The following ZNF274 variants were observed in gnomAD, a reference collection of about 807,000 sequenced individuals.
ZNF274 encodes the protein zinc finger protein 274, also known as neurotrophin receptor-interacting factor homolog.
Under a neutral mutation model 42.5 loss-of-function variants are expected in ZNF274, and 23 were observed. The observed-to-expected ratio is 0.54, with a 90% CI of 0.39 to 0.77. ZNF274 has a LOEUF of 0.77. Ranked by LOEUF, ZNF274 falls within the 30% of genes least tolerant of loss-of-function variation. The pLI, the probability that ZNF274 is intolerant of heterozygous loss-of-function variation, is 0.00. For synonymous variants in ZNF274, 292 were observed against 305.4 expected (o/e 0.96, Z 0.46); for missense variants, 679 against 806.5 (o/e 0.84, Z 1.91).
chr19:58,187,000 T>A lies in ZNF274; in HGVS notation c.214T>A (p.Phe72Ile). 6.2e-7 allele frequency: 1 copy of A among 1,613,560 alleles called. No homozygotes were observed. The highest frequency in any genetic ancestry group is 8.5e-7 in the Non-Finnish European group (1 of 1,179,760). Residue 72 changes from phenylalanine to isoleucine, a missense_variant, in exon 4 of 8, where the codon TTC (phenylalanine) becomes ATC (isoleucine). Phe to Ile is a conservative substitution (Grantham distance 21). Transcript: ENST00000617501. Reference protein sequence around the residue: ...VVSQLEEAEDFWPVERGIPQD... With the variant: ...VVSQLEEAEDIWPVERGIPQD... Reference sequence around the variant, plus strand: ...ATCTCAGTTAGAGGAGGCAGAAGATTTCTGGCCAGTGGAGAGAGGAATTCC... The same window carrying A: ...ATCTCAGTTAGAGGAGGCAGAAGATATCTGGCCAGTGGAGAGAGGAATTCC...
At chr19:58,194,725 C>T (rs1359525379) in intron 4 of ZNF274, among the ~76,000 whole-genome samples, 2 of 148,378 alleles carry the variant, frequency 1.3e-5, no homozygotes, top group East Asian at 2.1e-4. Flanking sequence ...TCTTTTTCTT[C>T]GGCCGGGCGC....
intron 4 of ZNF274, among the ~76,000 whole-genome samples, chr19:58,203,694 CAG>C (rs1281976313): frequency 6.6e-6 from 1 of 151,464 alleles, no homozygotes; most frequent in Non-Finnish European, 1.5e-5. Flanking sequence ...TCCTAAGAAA[CAG>C]AAAGGGAATT....
rs199545253 is a variant in ZNF274, at chr19:58,188,698, A to ATGTATATGTATATGTG, written c.256+1657_256+1658insGTATATGTATATGTGT. ...TGTGTATATATATATGTATATGTAT[A>ATGTATATGTATATGTG]TATATATATATATATATATATATAT... On this transcript the variant is annotated intron_variant, in intron 4 of 7. Transcript: ENST00000617501. 7.2e-4 allele frequency among the ~76,000 whole-genome samples: 64 copies of ATGTATATGTATATGTG among 88,416 alleles called. 1 individual carries two copies. The highest frequency in any genetic ancestry group is 2.8e-3 in the African/African-American group (64 of 22,560). 58.0% of individuals were successfully genotyped at this position (88,416 alleles called of 152,430 possible).
intron 4 of ZNF274, among the ~76,000 whole-genome samples, chr19:58,205,733 G>A (rs1476669520): frequency 2.6e-5 from 4 of 152,192 alleles, no homozygotes; most frequent in African/African-American, 4.8e-5. Context: ...CAGTCCTGGA[G>A]TTCAGTTTAG....
intron 4 of ZNF274, among the ~76,000 whole-genome samples, chr19:58,193,527 A>T (rs369658892): frequency 1.1e-4 from 14 of 125,104 alleles, no homozygotes; most frequent in East Asian, 9.5e-4. Flanking sequence ...ATCTCGGCTC[A>T]TTGCAACCTC....
intron 4 of ZNF274, among the ~76,000 whole-genome samples, chr19:58,201,900 C>G (rs2075916439): frequency 6.6e-6 from 1 of 152,168 alleles, no homozygotes; most frequent in African/African-American, 2.4e-5. Context: ...GATTCAAAAA[C>G]TGAGTAACGT....
intron 4 of ZNF274, among the ~76,000 whole-genome samples, chr19:58,194,586 G>A (rs1045457387): frequency 2.6e-5 from 4 of 151,732 alleles, no homozygotes; most frequent in Non-Finnish European, 5.9e-5. Flanking sequence ...TCACCATGTT[G>A]GCCAGGCTGG....
rs1298770513 is a variant in ZNF274, at chr19:58,211,448, G to A, written c.853-112G>A. 3.7e-6 allele frequency: 5 copies of A among 1,356,538 alleles called. 1 individual carries two copies. The highest frequency in any genetic ancestry group is 5.1e-5 in the East Asian group (2 of 39,122). 84.0% of individuals were successfully genotyped at this position (1,356,538 alleles called of 1,614,324 possible). A position where few individuals can be genotyped will look rare whatever the true frequency, so the allele number is the denominator to read the frequency against. ...CTCTGAGCAAATCCCCAAAGCAGGA[G>A]AGTCCCTAGCACCGTGAGCTCTGTC... On this transcript the variant is annotated intron_variant, in intron 6 of 7. Transcript: ENST00000617501. The surrounding 1 kb of genome is among the most constrained non-coding windows in gnomAD (Gnocchi z 4.8).
intron 4 of ZNF274, among the ~76,000 whole-genome samples, chr19:58,194,676 T>C (rs896157718): frequency 2.0e-5 from 3 of 151,844 alleles, no homozygotes; most frequent in Non-Finnish European, 2.9e-5. Flanking sequence ...CCACCACACC[T>C]GGTCTGTTTT....
At chr19:58,201,171 AT>A (rs35433225) in intron 4 of ZNF274, among the ~76,000 whole-genome samples, 45,274 of 112,606 alleles carry the variant, frequency 0.4, 7,577 homozygotes, top group Middle Eastern at 0.55. Context: ...CGCCTGGCTA[AT>A]TTTTTTTTTT....
intron 4 of ZNF274, among the ~76,000 whole-genome samples, chr19:58,197,097 C>T (rs556246681): frequency 4.6e-5 from 7 of 152,308 alleles, no homozygotes; most frequent in Non-Finnish European, 5.9e-5. Context: ...GCATAGCTCC[C>T]TTATTCAGCA....
At chr19:58,186,555 C>A (rs1163011772) in intron 3 of ZNF274, among the ~76,000 whole-genome samples, 1 of 96,638 alleles carries the variant, frequency 1.0e-5, no homozygotes, top group South Asian at 2.9e-4. Flanking sequence ...AAAAAAAAGC[C>A]TGTCCCTTCA....
At position 58,185,738 on chromosome 19, in the gene ZNF274, A is replaced by C. The variant is rs778052650; in HGVS notation, c.60A>C (p.Thr20=). The change falls in exon 3 of 8, where the codon ACA becomes ACC. Residue 20 remains threonine (T), a synonymous_variant. Transcript: ENST00000617501. Reference sequence around the variant, plus strand: ...AACCAGTGACCTTTGAAGATGTAACACTGGGTTTTACCCCGGAAGAGTGGG... The same window carrying C: ...AACCAGTGACCTTTGAAGATGTAACCCTGGGTTTTACCCCGGAAGAGTGGG... ...SCEPVTFEDV[T]LGFTPEEWGL... is the part of the protein sequence containing the mutation. 6.8e-7 allele frequency: 1 copy of C among 1,467,210 alleles called. No individual in the cohort carries two copies. The highest frequency in any genetic ancestry group is 1.5e-5 in the South Asian group (1 of 68,692). The allele number at this position is 1,467,210 out of a possible 1,614,324, so 90.9% of individuals were successfully genotyped here.
At chr19:58,183,749 A>T in intron 1 of ZNF274, 172 bp from the exon 2 acceptor site, 1 of 495,224 alleles carries the variant, frequency 2.0e-6, no homozygotes, top group Non-Finnish European at 3.6e-6. Flanking sequence ...CGGGGAGGGG[A>T]AAACTGGTCC....
intron 4 of ZNF274, among the ~76,000 whole-genome samples, chr19:58,188,698 A>ATGTATATGTATATGTATATG (rs199545253): frequency 2.3e-5 from 2 of 88,424 alleles, no homozygotes; most frequent in African/African-American, 8.9e-5. Context: ...GTATATGTAT[A>ATGTATATGTATATGTATATG]TATATATATA....
intron 2 of ZNF274, among the ~76,000 whole-genome samples, chr19:58,185,200 C>G (rs553401821): frequency 1.3e-5 from 2 of 150,066 alleles, no homozygotes; most frequent in East Asian, 4.0e-4. Flanking sequence ...CCGAGGCAGG[C>G]AGATCACAAG....
At chr19:58,202,562 G>A (rs771878734) in intron 4 of ZNF274, 5 of 152,240 alleles carry the variant, frequency 3.3e-5, no homozygotes, top group Non-Finnish European at 5.9e-5. Context: ...TGGACTGAAA[G>A]CCATTTGGAG....
At chr19:58,204,062 A>G (rs956460131) in intron 4 of ZNF274, among the ~76,000 whole-genome samples, 1 of 152,200 alleles carries the variant, frequency 6.6e-6, no homozygotes, top group Non-Finnish European at 1.5e-5. Context: ...GGAAGCCCAG[A>G]CAGACCAGGG....
rs2076050283 is a variant in ZNF274 at position 58,212,263 on chromosome 19, G to A, written c.1082G>A (p.Cys361Tyr). Residue 361 changes from cysteine (C) to tyrosine (Y), a missense_variant, in exon 8 of 8, where the codon TGT (cysteine) becomes TAT (tyrosine). Transcript: ENST00000617501. The surrounding 1 kb of genome is among the most constrained non-coding windows in gnomAD (Gnocchi z 4.6). ...AAAGTACAAGAATCCTCAAGGGATT[G>A]TGCCTTGTCCTCTACATTAGAAGAT... Reference protein sequence around the residue: ...SLKVQESSRDCALSSTLEDTL... With the variant: ...SLKVQESSRDYALSSTLEDTL... 3 of 1,613,824 alleles carry A rather than the reference G, an allele frequency of 1.9e-6. No homozygotes were observed. Among genetic ancestry groups the A allele is most frequent in the Non-Finnish European group, 1.7e-6 (2 of 1,179,894 alleles).
Sources: gnomAD v4.1 joint callset for allele counts (sites outside exome capture counted in the v4.1 genomes callset) on GRCh38, gnomAD v4.1.1 for gene constraint, Gnocchi (gnomAD v3.1) non-coding constraint, MANE v1.5 for transcripts, NCBI Gene and HGNC (gene_info 2026-07-23, HGNC 2026-07-21) for gene names.